ZMYND19: variants seen among roughly 807,000 people sequenced by gnomAD.
The protein encoded by ZMYND19 is zinc finger MYND domain-containing protein 19.
Under a neutral mutation model 32.0 loss-of-function variants are expected in ZMYND19, and 17 were observed. The observed-to-expected ratio is 0.53, with a 90% confidence interval of 0.36 to 0.80. The LOEUF is 0.80. Ranked by LOEUF, ZMYND19 falls within the 30% of genes least tolerant of loss-of-function variation. The pLI is 0.00. For synonymous variants in ZMYND19, 124 were observed against 113.6 expected (o/e 1.09, Z -0.58); for missense variants, 250 against 293.6 (o/e 0.85, Z 1.09).
intron 2 of ZMYND19, 147 bp downstream of exon 2, chr9:137,588,512 C>T: frequency 1.2e-6 from 1 of 845,788 alleles, no homozygotes; most frequent in Non-Finnish European, 1.9e-6. Context: ...CGAAGTGGGG[C>T]TGACGGCTCA....
chr9:137,583,039 TCTC>T lies in ZMYND19; in HGVS notation c.481_483del (p.Glu161del). On this transcript the variant is annotated inframe_deletion, in exon 5 of 6. Transcript: ENST00000298585. Reference sequence around the variant, plus strand: ...TGGCACTCATAGTAGGTGCAAGAGTTCTCCTCCTCTTCCACTACATCCCCGTTG... The same window carrying T: ...TGGCACTCATAGTAGGTGCAAGAGTTCTCCTCTTCCACTACATCCCCGTTG... The T allele has an allele frequency of 6.2e-7, 1 of 1,614,112 alleles. No homozygotes were observed. The highest frequency in any genetic ancestry group is 8.5e-7 in the Non-Finnish European group (1 of 1,179,994).
chr9:137,584,691 C>A (rs929363983), intron 4 of ZMYND19, among the ~76,000 whole-genome samples: 1 of 152,288 alleles, frequency 6.6e-6, no homozygotes, highest in South Asian at 2.1e-4. Flanking sequence ...GCCAAGCACG[C>A]CTTCCCCTTC....
chr9:137,582,957 A>G (rs767147033), intron 5 of ZMYND19, 26 bp downstream of exon 5: 1 of 1,610,880 alleles, frequency 6.2e-7, no homozygotes, highest in Admixed American at 1.7e-5. Flanking sequence ...GGTGCCAGGG[A>G]CGCGACCGCA....
intron 4 of ZMYND19, among the ~76,000 whole-genome samples, chr9:137,584,515 C>T (rs1331920944): frequency 6.6e-6 from 1 of 152,190 alleles, no homozygotes; most frequent in Non-Finnish European, 1.5e-5. Context: ...TGTTGAGAAC[C>T]GGCTGAAATG....
chr9:137,589,307 T>C, intron 1 of ZMYND19: 7 of 982,344 alleles, frequency 7.1e-6, no homozygotes, highest in Non-Finnish European at 8.5e-6. Flanking sequence ...AGGCCCTGCC[T>C]ATGCTCTTGC....
chr9:137,587,905 G>T lies in ZMYND19; in HGVS notation c.112-82C>A, dbSNP rs117620544. On this transcript the variant is annotated intron_variant, in intron 2 of 5. Coordinates refer to ENST00000298585, the MANE Select transcript of ZMYND19 (RefSeq NM_138462.3). ...CAATTCCCTCTTAGAAAAACCAAGT[G>T]AAACAAGCAAGCCAGAGGGACAAAT... 23 of 1,402,708 alleles carry T rather than the reference G, an allele frequency of 1.6e-5. No homozygotes were observed. In the African/African-American group the frequency reaches 2.0e-4, roughly 12 times the overall value. 86.9% of individuals were successfully genotyped at this position (1,402,708 alleles called of 1,614,324 possible).
At chr9:137,589,905 G>A in intron 1 of ZMYND19, 2 of 985,110 alleles carry the variant, frequency 2.0e-6, no homozygotes, top group Non-Finnish European at 2.4e-6. Context: ...GGAGAACGCG[G>A]CTCGGGCTCG....
chr9:137,582,515 C>T lies in ZMYND19; in HGVS notation c.*28G>A. On this transcript the variant is annotated 3_prime_UTR_variant, in exon 6 of 6. Coordinates refer to ENST00000298585, the MANE Select transcript of ZMYND19 (RefSeq NM_138462.3). ...CTGTGCCCAGGGTAGAGCCCGGGGG[C>T]TGTGAGTATGTGTGGCTCCCCTGCC... The T allele has an allele frequency of 6.2e-7, 1 of 1,606,766 alleles. No homozygotes were observed. The highest frequency in any genetic ancestry group is 2.2e-5 in the East Asian group (1 of 44,774).
In ZMYND19 at chr9:137,587,749, C is replaced by T. The variant is rs1564491543; in HGVS notation, c.186G>A (p.Arg62=). The part of the protein sequence containing the change: ...FAYAFDKNRG[R]GSGRLLHELL... ...GCTCATGAAGGAGTCTCCCAGAGCC[C>T]CTTCCTCGGTTCTTGTCAAAGGCAT... is the stretch of plus-strand genomic sequence containing the variant. The change falls in exon 3 of 6, where the codon AGG becomes AGA. Residue 62 remains arginine (R), a synonymous_variant. Transcript: ENST00000298585. 6.2e-7 allele frequency: 1 copy of T among 1,614,156 alleles called. No homozygotes were observed. Among genetic ancestry groups the T allele is most frequent in the South Asian group, 1.1e-5 (1 of 91,084 alleles).
At chr9:137,582,789 G>A (rs377044671) in intron 5 of ZMYND19, 103 bp from the exon 6 acceptor site, 68 of 1,533,554 alleles carry the variant, frequency 4.4e-5, no homozygotes, top group South Asian at 2.5e-4. Context: ...AAAACACCAC[G>A]TACCAAGGCT....
chr9:137,585,750 C>T lies in ZMYND19; in HGVS notation c.359+1217G>A, dbSNP rs373633661. Reference sequence around the variant, plus strand: ...TCAGGTGCTCCCACTGTTTCCACCTCGGCTGCCCAGGGCTCTGGCATGACT... The same window carrying T: ...TCAGGTGCTCCCACTGTTTCCACCTTGGCTGCCCAGGGCTCTGGCATGACT... On this transcript the variant is annotated intron_variant, in intron 4 of 5. Coordinates refer to ENST00000298585, the MANE Select transcript of ZMYND19 (RefSeq NM_138462.3). Among the ~76,000 whole-genome samples the T allele has an allele frequency of 1.3e-4, 20 of 152,304 alleles. No homozygotes were observed. The East Asian group carries it at 3.5e-3, about 26-fold the overall frequency.
Position 137,587,080 on chromosome 9 carries a change from CG to C in ZMYND19, c.245del (p.Pro82ArgfsTer11). ...CGTTGAGGTGCACCACCTGGAAGCC[CG>C]GGGCCACGCCCCCCCGGTGCCGCTC... The part of the protein sequence containing the change: ...LWERHRGGVA[P>X]GFQVVHLNAV... On this transcript the variant is annotated frameshift_variant, in exon 4 of 6. Transcript: ENST00000298585. LOFTEE classifies it high-confidence loss of function. 1.2e-6 allele frequency: 2 copies of C among 1,608,294 alleles called. No homozygotes were observed.
In ZMYND19 at chr9:137,584,090, C is replaced by T. The variant is rs536192915; in HGVS notation, c.360-927G>A. Among the ~76,000 whole-genome samples the T allele has an allele frequency of 1.6e-4, 25 of 152,370 alleles. No individual in the cohort carries two copies. In the East Asian group the frequency reaches 3.7e-3, roughly 22 times the overall value. ...AGGAGGCCACAGACCAGGATCCAGA[C>T]GGACACACAGCACCCAGCCAGACAG... On this transcript the variant is annotated intron_variant, in intron 4 of 5. Transcript: ENST00000298585.
At chr9:137,586,553 G>GAGAGAAGGAAGGAATCCTGAGGTGAGC (rs1564490967) in intron 4 of ZMYND19, among the ~76,000 whole-genome samples, 7 of 148,298 alleles carry the variant, frequency 4.7e-5, no homozygotes, top group African/African-American at 1.5e-4. Flanking sequence ...ATCCTGAGGT[G>GAGAGAAGGAAGGAATCCTGAGGTGAGC]AGAGAAGGAA....
At position 137,582,435 on chromosome 9, in the gene ZMYND19, G is replaced by C; in HGVS notation, c.*108C>G. 1 of 1,476,992 alleles carries C rather than the reference G, an allele frequency of 6.8e-7. No individual in the cohort carries two copies. The highest frequency in any genetic ancestry group is 9.1e-7 in the Non-Finnish European group (1 of 1,103,646). 91.5% of individuals were successfully genotyped at this position (1,476,992 alleles called of 1,614,324 possible). On this transcript the variant is annotated 3_prime_UTR_variant, in exon 6 of 6. Coordinates refer to ENST00000298585, the MANE Select transcript of ZMYND19 (RefSeq NM_138462.3). ...TCGGGAGTCTCACGGCAGCTGTCCT[G>C]GGCCCGCAGCTGGCTTTTTTGGCAC...
chr9:137,585,406 C>A (rs376896866), intron 4 of ZMYND19, among the ~76,000 whole-genome samples: 1 of 133,454 alleles, frequency 7.5e-6, no homozygotes, highest in Non-Finnish European at 1.5e-5. Flanking sequence ...CAGAGCCAGA[C>A]TCCGTCTCAA....
In ZMYND19 at chr9:137,583,007, A is replaced by G; in HGVS notation, c.516T>C (p.Pro172=). 6.2e-7 allele frequency: 1 copy of G among 1,614,186 alleles called. No homozygotes were observed. The highest frequency in any genetic ancestry group is 8.5e-7 in the Non-Finnish European group (1 of 1,180,016). Residue 172 remains proline, a synonymous_variant, in exon 5 of 6, where the codon CCT becomes CCC. Transcript: ENST00000298585. ...NSCTYYECHY[P]PCTVIEKQLR... The stretch of plus-strand genomic sequence containing the variant: ...CCTGCTTCTCAATCACTGTGCAGGG[A>G]GGGTAGTGGCACTCATAGTAGGTGC...
rs756379723 is a variant in ZMYND19, at chr9:137,583,018, A to C, written c.505T>G (p.Cys169Gly). The C allele has an allele frequency of 6.2e-7, 1 of 1,614,140 alleles. No individual in the cohort carries two copies. The highest frequency in any genetic ancestry group is 8.5e-7 in the Non-Finnish European group (1 of 1,180,004). Residue 169 changes from cysteine to glycine, a missense_variant, in exon 5 of 6, where the codon TGC becomes GGC. Transcript: ENST00000298585. ...EEENSCTYYE[C>G]HYPPCTVIEK... is the part of the protein sequence containing the mutation. The stretch of plus-strand genomic sequence containing the variant: ...ATCACTGTGCAGGGAGGGTAGTGGC[A>C]CTCATAGTAGGTGCAAGAGTTCTCC...
At chr9:137,586,885 C>A (rs555961921) in intron 4 of ZMYND19, 82 bp downstream of exon 4, 2 of 1,568,676 alleles carry the variant, frequency 1.3e-6, no homozygotes, top group Admixed American at 1.7e-5. Flanking sequence ...GAACAGGAGA[C>A]CCTCTTGGAA....
Sources: allele counts gnomAD v4.1 joint callset (sites outside exome capture counted in the v4.1 genomes callset), GRCh38; gene constraint gnomAD v4.1.1; transcripts MANE v1.5; gene names NCBI Gene and HGNC (gene_info 2026-07-23, HGNC 2026-07-21).